FAP: variants seen among roughly 807,000 people sequenced by gnomAD.
FAP encodes the protein prolyl endopeptidase FAP.
FAP carries 110 observed loss-of-function variants against 126.5 expected under a neutral mutation model. The observed-to-expected ratio is 0.87, with a 90% CI of 0.74 to 1.02. FAP has a LOEUF of 1.02. FAP is among the 50% of genes least tolerant of loss of function. The pLI is 0.00. For synonymous variants in FAP, 334 were observed against 297.3 expected, an observed-to-expected ratio of 1.12 and a Z score of -1.27; for missense variants, 919 against 909.2, an observed-to-expected ratio of 1.01 and a Z score of -0.14.
rs1050091880 is a variant in FAP, at chr2:162,177,680, G to A, written c.1870-2714C>T. On this transcript the variant is annotated intron_variant, in intron 21 of 25. Transcript: ENST00000188790. ...TTTGTCTTTTTCCATAGCGCTTAAC[G>A]TCATTTAACACTCTCTATATTTTAC... Among the ~76,000 whole-genome samples, 8 of 152,144 alleles carry A rather than the reference G, an allele frequency of 5.3e-5. 1 individual carries two copies. The highest frequency in any genetic ancestry group is 6.8e-3 in the Middle Eastern group (2 of 294).
chr2:162,212,356 G>A (rs2106263955), intron 11 of FAP, among the ~76,000 whole-genome samples: 1 of 152,250 alleles, frequency 6.6e-6, no homozygotes, highest in African/African-American at 2.4e-5. Flanking sequence ...ACCCAAAGCT[G>A]ACTAACCAGA....
intron 10 of FAP, among the ~76,000 whole-genome samples, chr2:162,215,389 G>A (rs1000663641): frequency 1.3e-5 from 2 of 152,192 alleles, no homozygotes; most frequent in Admixed American, 1.3e-4. Flanking sequence ...CAGACATAGG[G>A]CATCATGCTG....
chr2:162,191,492 C>T (rs551912502), intron 17 of FAP, among the ~76,000 whole-genome samples: 64 of 152,180 alleles, frequency 4.2e-4, no homozygotes, highest in South Asian at 6.2e-4. Context: ...TCAGACCACA[C>T]ATTTTACTTT....
intron 6 of FAP, among the ~76,000 whole-genome samples, chr2:162,221,020 G>C (rs1689366116): frequency 6.6e-6 from 1 of 152,150 alleles, no homozygotes; most frequent in South Asian, 2.1e-4. Flanking sequence ...TTGGGCAATT[G>C]TGAAGATCTG....
intron 20 of FAP, 141 bp downstream of exon 20, chr2:162,188,028 C>A: frequency 1.6e-6 from 1 of 642,488 alleles, no homozygotes; most frequent in East Asian, 2.6e-5. Flanking sequence ...GCAGAAATAC[C>A]TCTTTAAGAT....
At chr2:162,200,264 T>C (rs962975977) in intron 15 of FAP, among the ~76,000 whole-genome samples, 1 of 152,214 alleles carries the variant, frequency 6.6e-6, no homozygotes, top group Non-Finnish European at 1.5e-5. Flanking sequence ...GTGTGTTAAA[T>C]AAAGAAATGT....
At chr2:162,230,849 T>C (rs192630077) in intron 2 of FAP, among the ~76,000 whole-genome samples, 1 of 152,258 alleles carries the variant, frequency 6.6e-6, no homozygotes, top group East Asian at 1.9e-4. Context: ...TTTAATGATT[T>C]CACTGAATCT....
chr2:162,178,339 C>A (rs905694721), intron 21 of FAP, among the ~76,000 whole-genome samples: 3 of 152,136 alleles, frequency 2.0e-5, no homozygotes, highest in African/African-American at 7.2e-5. Flanking sequence ...GTTTTCATTG[C>A]ATATCAGGGT....
intron 2 of FAP, among the ~76,000 whole-genome samples, chr2:162,229,548 T>C (rs1689804798): frequency 6.6e-6 from 1 of 152,124 alleles, no homozygotes; most frequent in African/African-American, 2.4e-5. Context: ...ACAATTAAAA[T>C]CATAAGTGCA....
chr2:162,224,561 A>C, intron 4 of FAP, 21 bp from the exon 5 acceptor site: 1 of 1,457,884 alleles, frequency 6.9e-7, no homozygotes, highest in Non-Finnish European at 9.4e-7. Context: ...GAAGAGGTTG[A>C]TTAGAATACA....
At chr2:162,198,284 C>A in intron 16 of FAP, 1 of 1,289,944 alleles carries the variant, frequency 7.8e-7, no homozygotes, top group Non-Finnish European at 1.0e-6. Flanking sequence ...GGTTTCCAAG[C>A]CGTTGTTCAT....
intron 9 of FAP, 94 bp from the exon 10 acceptor site, chr2:162,216,095 C>T (rs183886443): frequency 5.6e-5 from 49 of 873,518 alleles, no homozygotes; most frequent in East Asian, 3.9e-4. Flanking sequence ...TTTTTCTAAG[C>T]GAACAATCTT....
At chr2:162,172,010 A>T (rs1687321263) in intron 25 of FAP, 1 of 151,868 alleles carries the variant, frequency 6.6e-6, no homozygotes. Flanking sequence ...ACTAGAACTT[A>T]TTTTTTTCTG....
At chr2:162,217,718 A>T (rs2106272996) in intron 9 of FAP, among the ~76,000 whole-genome samples, 1 of 152,342 alleles carries the variant, frequency 6.6e-6, no homozygotes, top group East Asian at 1.9e-4. Flanking sequence ...ATTAAAATTA[A>T]GTTAAGCTTG....
Position 162,189,678 on chromosome 2 carries a change from C to A in FAP, c.1527G>T (p.Lys509Asn), listed in dbSNP as rs147933561. ...TACTAATTTCATCTACTTCAAGTTT[C>A]TTAATTTCCTCTTTAGGCAGCTGGA... The part of the protein sequence containing the change: ...KNIQLPKEEI[K>N]KLEVDEITLW... The change falls in exon 18 of 26, where the codon AAG becomes AAT. Residue 509 changes from lysine (K) to asparagine (N), a missense_variant. Lys to Asn is a moderately conservative substitution (Grantham distance 94). Transcript: ENST00000188790. The A allele has an allele frequency of 3.2e-6, 5 of 1,578,216 alleles. No individual in the cohort carries two copies. Among genetic ancestry groups the A allele is most frequent in the Non-Finnish European group, 4.3e-6 (5 of 1,156,438 alleles).
intron 16 of FAP, among the ~76,000 whole-genome samples, chr2:162,195,362 G>A (rs1688214022): frequency 6.6e-6 from 1 of 152,018 alleles, no homozygotes; most frequent in Admixed American, 6.6e-5. Context: ...AGGGAAGAAA[G>A]GTGGATGTCA....
chr2:162,189,789 G>T, intron 17 of FAP, 35 bp from the exon 18 acceptor site: 1 of 1,234,690 alleles, frequency 8.1e-7, no homozygotes, highest in Non-Finnish European at 1.2e-6. Flanking sequence ...TTAATCAATA[G>T]TATTTCCATA....
intron 11 of FAP, among the ~76,000 whole-genome samples, chr2:162,212,122 C>A (rs1327222870): frequency 2.0e-5 from 3 of 152,152 alleles, no homozygotes; most frequent in East Asian, 1.9e-4. Context: ...GACTTCCACA[C>A]CTCATTGAAT....
intron 9 of FAP, among the ~76,000 whole-genome samples, chr2:162,217,310 G>A (rs1689192388): frequency 6.6e-6 from 1 of 152,164 alleles, no homozygotes. Flanking sequence ...AGGTAAATTT[G>A]TACTTTGATT....
Sources: gnomAD v4.1 joint callset for allele counts (sites outside exome capture counted in the v4.1 genomes callset) on GRCh38, gnomAD v4.1.1 for gene constraint, MANE v1.5 for transcripts, NCBI Gene and HGNC (gene_info 2026-07-23, HGNC 2026-07-21) for gene names.